ZMAT4: variants seen among roughly 807,000 people sequenced by gnomAD.
ZMAT4 encodes zinc finger matrin-type protein 4.
ZMAT4 carries 17 observed loss-of-function variants against 28.7 expected under a neutral mutation model. The observed-to-expected ratio is 0.59, with a 90% CI of 0.41 to 0.89. ZMAT4 has a LOEUF of 0.89. ZMAT4 is among the 40% of genes least tolerant of loss of function. The probability of loss-of-function intolerance (pLI) is 0.00; values close to 1 mark genes in which losing one functional copy is unlikely to be tolerated. For missense variants in ZMAT4, 240 were observed against 283.8 expected, an observed-to-expected ratio of 0.85 and a Z score of 1.11; for synonymous variants, 117 against 109.2, an observed-to-expected ratio of 1.07 and a Z score of -0.44.
intron 3 of ZMAT4, among the ~76,000 whole-genome samples, chr8:40,755,025 A>G (rs1247483009): frequency 1.3e-5 from 2 of 152,176 alleles, no homozygotes; most frequent in African/African-American, 4.8e-5. Flanking sequence ...AAGGAAAAGA[A>G]AGAAAAGAAG....
chr8:40,703,563 T>C (rs375129566), intron 3 of ZMAT4, among the ~76,000 whole-genome samples: 1 of 152,214 alleles, frequency 6.6e-6, no homozygotes, highest in South Asian at 2.1e-4. Context: ...AGTGATTGTC[T>C]AGGAATCAGA....
rs138669089 is a variant in ZMAT4, at chr8:40,641,842, G to A, written c.577+32862C>T. 2.6e-3 allele frequency among the ~76,000 whole-genome samples: 401 copies of A among 152,204 alleles called. 3 individuals carry two copies. Among genetic ancestry groups the A allele is most frequent in the African/African-American group, 9.1e-3 (378 of 41,518 alleles). Reference sequence around the variant, plus strand: ...GGATTTATTAGTCAAAGGATATAAGGTTTCAGTTATTCTTTTTTTAAATGA... The same window carrying A: ...GGATTTATTAGTCAAAGGATATAAGATTTCAGTTATTCTTTTTTTAAATGA... On this transcript the variant is annotated intron_variant, in intron 5 of 6. Coordinates refer to ENST00000297737, the MANE Select transcript of ZMAT4 (RefSeq NM_024645.3).
intron 4 of ZMAT4, among the ~76,000 whole-genome samples, chr8:40,681,259 C>A (rs1436087832): frequency 6.6e-6 from 1 of 152,160 alleles, no homozygotes; most frequent in East Asian, 1.9e-4. Context: ...CAGATTAATT[C>A]TAGAATCAAA....
At chr8:40,697,497 T>C (rs991416045) in intron 3 of ZMAT4, 96 bp from the exon 4 acceptor site, 2 of 1,235,834 alleles carry the variant, frequency 1.6e-6, no homozygotes, top group African/African-American at 1.7e-5. Context: ...TTGAAATATC[T>C]AGTTTTTGTT....
chr8:40,794,222 C>T (rs1814486399), intron 2 of ZMAT4, among the ~76,000 whole-genome samples: 1 of 152,106 alleles, frequency 6.6e-6, no homozygotes, highest in South Asian at 2.1e-4. Context: ...GGGTAAGATG[C>T]TTTTAGGAAG....
At chr8:40,658,202 A>G (rs959849945) in intron 5 of ZMAT4, among the ~76,000 whole-genome samples, 3 of 152,062 alleles carry the variant, frequency 2.0e-5, no homozygotes, top group Admixed American at 2.0e-4. Context: ...AGCTACTTTT[A>G]AATCCTCGCA....
intron 1 of ZMAT4, among the ~76,000 whole-genome samples, chr8:40,866,541 G>A (rs1411866745): frequency 6.6e-6 from 1 of 152,182 alleles, no homozygotes; most frequent in East Asian, 1.9e-4. Flanking sequence ...GGTGTGCTTG[G>A]TGTTTTATAG....
chr8:40,762,766 C>G (rs2150557405), intron 3 of ZMAT4, among the ~76,000 whole-genome samples: 1 of 152,306 alleles, frequency 6.6e-6, no homozygotes, highest in South Asian at 2.1e-4. Context: ...AAGAGGTTCT[C>G]AGTCAGACTT....
At chr8:40,570,305 T>C (rs1804054197) in intron 6 of ZMAT4, among the ~76,000 whole-genome samples, 2 of 152,304 alleles carry the variant, frequency 1.3e-5, no homozygotes, top group African/African-American at 4.8e-5. Flanking sequence ...ATTGGGCTGA[T>C]GGTTGCATGG....
intron 3 of ZMAT4, among the ~76,000 whole-genome samples, chr8:40,701,506 ATTTTTTTTTTT>A (rs58912869): frequency 2.2e-4 from 16 of 73,936 alleles, no homozygotes; most frequent in African/African-American, 7.2e-4. Context: ...ACTATGCAGA[ATTTTTTTTTTT>A]TTTTTTTTTT....
chr8:40,824,114 G>A (rs1347045492), intron 2 of ZMAT4, among the ~76,000 whole-genome samples: 2 of 152,162 alleles, frequency 1.3e-5, no homozygotes, highest in African/African-American at 2.4e-5. Context: ...ATTGTGCACA[G>A]AGGAATCTGA....
intron 3 of ZMAT4, among the ~76,000 whole-genome samples, chr8:40,738,744 T>G (rs867481354): frequency 2.0e-5 from 3 of 152,168 alleles, no homozygotes; most frequent in Non-Finnish European, 4.4e-5. Context: ...TAAAAGGCTG[T>G]GGCCCCTGTC....
chr8:40,777,699 A>G (rs896381944), intron 2 of ZMAT4, among the ~76,000 whole-genome samples: 2 of 152,184 alleles, frequency 1.3e-5, no homozygotes, highest in African/African-American at 4.8e-5. Context: ...ATTTCGAGTG[A>G]GGTTTAGTCT....
Position 40,697,230 on chromosome 8 carries a change from T to C in ZMAT4, c.349+15A>G, listed in dbSNP as rs1194433948. 2.5e-6 allele frequency: 4 copies of C among 1,584,510 alleles called. No homozygotes were observed. In the East Asian group the frequency reaches 6.8e-5, roughly 27 times the overall value. On this transcript the variant is annotated intron_variant, in intron 4 of 6. Coordinates refer to ENST00000297737, the MANE Select transcript of ZMAT4 (RefSeq NM_024645.3). ...GTTTTCAGGGTCTCCCCACGATCAC[T>C]GTTCCTGCACGTACCTGTGGTCTTT...
chr8:40,844,647 C>T (rs929710328), intron 1 of ZMAT4, among the ~76,000 whole-genome samples: 1 of 138,496 alleles, frequency 7.2e-6, no homozygotes, highest in East Asian at 2.1e-4. Flanking sequence ...TCTGCATGCT[C>T]TCTCTCATTC....
intron 2 of ZMAT4, among the ~76,000 whole-genome samples, chr8:40,775,944 T>C (rs1176892885): frequency 6.6e-6 from 1 of 152,108 alleles, no homozygotes; most frequent in African/African-American, 2.4e-5. Context: ...GAAAAGGCCA[T>C]GTGAGGATAC....
intron 2 of ZMAT4, among the ~76,000 whole-genome samples, chr8:40,783,847 C>T (rs1563481672): frequency 6.6e-6 from 1 of 152,012 alleles, no homozygotes; most frequent in African/African-American, 2.4e-5. Flanking sequence ...CCTGTCTCTA[C>T]TAAAAATAAA....
At chr8:40,805,334 G>A (rs1214334673) in intron 2 of ZMAT4, among the ~76,000 whole-genome samples, 1 of 146,662 alleles carries the variant, frequency 6.8e-6, no homozygotes, top group Non-Finnish European at 1.5e-5. Flanking sequence ...CTTTTACACT[G>A]TTGGTGGGAC....
chr8:40,631,705 C>T (rs976544384), intron 5 of ZMAT4, among the ~76,000 whole-genome samples: 7 of 152,176 alleles, frequency 4.6e-5, no homozygotes, highest in Admixed American at 2.0e-4. Context: ...TATCCACTCT[C>T]ATTTTGCAAA....
Sources: gnomAD v4.1 joint callset for allele counts (sites outside exome capture counted in the v4.1 genomes callset) on GRCh38, gnomAD v4.1.1 for gene constraint, MANE v1.5 for transcripts, NCBI Gene and HGNC (gene_info 2026-07-23, HGNC 2026-07-21) for gene names.